The following XPO6 variants were observed in gnomAD, a reference collection of about 807,000 sequenced individuals.
XPO6 encodes the protein exportin-6.
XPO6 carries 3 observed loss-of-function variants against 130.0 expected under a neutral mutation model. The ratio of observed to expected loss-of-function variants is 0.02; its 90% confidence interval spans 0.01 to 0.06. XPO6 has a LOEUF of 0.06. XPO6 is among the 10% of genes least tolerant of loss of function. The pLI is 1.00. For missense variants in XPO6, 970 were observed against 1,393.0 expected, an observed-to-expected ratio of 0.70 and a Z score of 4.83; for synonymous variants, 524 against 548.9, an observed-to-expected ratio of 0.95 and a Z score of 0.63.
intron 9 of XPO6, among the ~76,000 whole-genome samples, chr16:28,142,735 T>C (rs2042916651): frequency 6.6e-6 from 1 of 152,142 alleles, no homozygotes; most frequent in African/African-American, 2.4e-5. Flanking sequence ...CATGCCTGGA[T>C]AATTTTTGTA....
intron 1 of XPO6, among the ~76,000 whole-genome samples, chr16:28,192,647 A>G (rs1274575294): frequency 6.6e-6 from 1 of 152,158 alleles, no homozygotes; most frequent in Non-Finnish European, 1.5e-5. Context: ...ATGTGGACCA[A>G]TGGAGTGAGG....
intron 15 of XPO6, among the ~76,000 whole-genome samples, chr16:28,115,708 C>T (rs1319317965): frequency 6.6e-6 from 1 of 152,212 alleles, no homozygotes; most frequent in Non-Finnish European, 1.5e-5. Context: ...CAGGCACTGA[C>T]TCCTCCTCTC....
intron 6 of XPO6, among the ~76,000 whole-genome samples, chr16:28,158,093 G>C (rs1438599881): frequency 6.6e-6 from 1 of 152,178 alleles, no homozygotes; most frequent in African/African-American, 2.4e-5. Flanking sequence ...AAAAGATACA[G>C]TTAAATTAAA....
chr16:28,147,668 A>G lies in XPO6; in HGVS notation c.1225-1465T>C, dbSNP rs892399652. 2.0e-5 allele frequency among the ~76,000 whole-genome samples: 3 copies of G among 152,206 alleles called. 1 individual carries two copies. Among genetic ancestry groups the G allele is most frequent in the Admixed American group, 2.0e-4 (3 of 15,282 alleles). On this transcript the variant is annotated intron_variant, in intron 8 of 23. Coordinates refer to ENST00000304658, the MANE Select transcript of XPO6 (RefSeq NM_015171.4). ...GCCACATGGAAATGATACGGCAGCCAGACCGAGTGGCTCACATCTGTAATC... is the reference window on the plus strand; with the variant it reads ...GCCACATGGAAATGATACGGCAGCCGGACCGAGTGGCTCACATCTGTAATC...
rs776547300 is a variant in XPO6, at chr16:28,101,837, G to C, written c.3045+10C>G. 4 of 1,612,924 alleles carry C rather than the reference G, an allele frequency of 2.5e-6. No individual in the cohort carries two copies. The East Asian group carries it at 6.7e-5, about 27-fold the overall frequency. Reference sequence around the variant, plus strand: ...GATGGAAGAATATTTCCAAGAGCTGGGGCACTTACCTTGTGGTACAGCTTC... The same window carrying C: ...GATGGAAGAATATTTCCAAGAGCTGCGGCACTTACCTTGTGGTACAGCTTC... On this transcript the variant is annotated intron_variant, in intron 22 of 23. Transcript: ENST00000304658. The surrounding 1 kb of genome is among the most constrained non-coding windows in gnomAD (Gnocchi z 5.4).
At chr16:28,139,055 A>T (rs1199020335) in intron 9 of XPO6, among the ~76,000 whole-genome samples, 1 of 152,184 alleles carries the variant, frequency 6.6e-6, no homozygotes, top group African/African-American at 2.4e-5. Context: ...TTCCCCCAAA[A>T]AGTACTCATT....
intron 1 of XPO6, among the ~76,000 whole-genome samples, chr16:28,195,864 G>A (rs1048493845): frequency 6.6e-5 from 10 of 152,156 alleles, no homozygotes; most frequent in East Asian, 1.9e-4. Flanking sequence ...GCAAAACTCC[G>A]CACATTTACT....
In XPO6 at chr16:28,107,633, C is replaced by T; in HGVS notation, c.2386G>A (p.Val796Met). 6.2e-7 allele frequency: 1 copy of T among 1,614,104 alleles called. No homozygotes were observed. The highest frequency in any genetic ancestry group is 1.3e-5 in the African/African-American group (1 of 75,032). ...GTGGACTCCCCCGAGATATTCTCCA[C>T]AATATCTTCTAAGACGCTGAGTGTC... ...HQTLSVLEDI[V>M]ENISGESTKS... is the part of the protein sequence containing the mutation. Residue 796 changes from valine to methionine, a missense_variant, in exon 18 of 24, where the codon GTG becomes ATG. Around this residue, in one of 4 missense-constraint regions of XPO6, gnomAD observed 936 missense variants for 1,306.8 expected, o/e 0.72. Coordinates refer to ENST00000304658, the MANE Select transcript of XPO6 (RefSeq NM_015171.4).
chr16:28,188,396 T>G (rs1274042819), intron 1 of XPO6, among the ~76,000 whole-genome samples: 1 of 152,172 alleles, frequency 6.6e-6, no homozygotes, highest in Non-Finnish European at 1.5e-5. Flanking sequence ...AAATGAGGAC[T>G]AGTATCCCAG....
intron 15 of XPO6, 175 bp downstream of exon 15, chr16:28,117,143 C>T (rs2141257384): frequency 1.3e-6 from 1 of 774,400 alleles, no homozygotes; most frequent in Non-Finnish European, 2.0e-6. Context: ...AAAGTTGTAT[C>T]TGAATGCATG....
chr16:28,105,922 C>T (rs901758087), intron 20 of XPO6, 121 bp downstream of exon 20: 1 of 1,450,840 alleles, frequency 6.9e-7, no homozygotes, highest in Non-Finnish European at 9.3e-7. Flanking sequence ...GGAGAAACTA[C>T]TTTACAAGCA....
intron 20 of XPO6, 123 bp downstream of exon 20, chr16:28,105,920 T>C (rs949398731): frequency 1.4e-6 from 2 of 1,429,688 alleles, no homozygotes; most frequent in Admixed American, 2.1e-5. Context: ...TGGGAGAAAC[T>C]ACTTTACAAG....
At chr16:28,131,137 T>C (rs2042660620) in intron 12 of XPO6, among the ~76,000 whole-genome samples, 1 of 152,250 alleles carries the variant, frequency 6.6e-6, no homozygotes, top group African/African-American at 2.4e-5. Flanking sequence ...TTTGAAAGTG[T>C]CTTTTTAAAG....
At chr16:28,126,524 T>C (rs113526725) in intron 12 of XPO6, 6 of 152,344 alleles carry the variant, frequency 3.9e-5, no homozygotes, top group Non-Finnish European at 5.9e-5. Context: ...TGTTAAAATA[T>C]ATAACCCTCT....
At chr16:28,165,464 T>C (rs1269714504) in intron 6 of XPO6, 2 of 152,214 alleles carry the variant, frequency 1.3e-5, no homozygotes, top group Non-Finnish European at 2.9e-5. Flanking sequence ...TAGAACTCTA[T>C]AATTGTTTGT....
At chr16:28,161,758 A>C (rs1027315423) in intron 6 of XPO6, among the ~76,000 whole-genome samples, 10 of 152,202 alleles carry the variant, frequency 6.6e-5, no homozygotes, top group Non-Finnish European at 1.5e-4. Flanking sequence ...TAAGGCACAG[A>C]CAGACCAAGT....
At chr16:28,135,159 T>C in intron 10 of XPO6, 57 bp downstream of exon 10, 1 of 1,450,538 alleles carries the variant, frequency 6.9e-7, no homozygotes, top group South Asian at 1.2e-5. Context: ...AGGTCCCCAT[T>C]CTGATTGATG....
chr16:28,148,374 T>TGATA (rs2043022187), intron 8 of XPO6, among the ~76,000 whole-genome samples: 1 of 152,190 alleles, frequency 6.6e-6, no homozygotes, highest in Non-Finnish European at 1.5e-5. Context: ...ACCTGGCCTC[T>TGATA]GATAGTTGCT....
chr16:28,109,865 C>A (rs2086875999), intron 17 of XPO6, among the ~76,000 whole-genome samples: 1 of 152,102 alleles, frequency 6.6e-6, no homozygotes, highest in Admixed American at 6.5e-5. Flanking sequence ...TATATAGATA[C>A]AAAGGTTAAG....
Sources: gnomAD v4.1 joint callset for allele counts (sites outside exome capture counted in the v4.1 genomes callset) on GRCh38, gnomAD v4.1.1 for gene constraint, gnomAD v4.1.1 regional missense constraint, Gnocchi (gnomAD v3.1) non-coding constraint, MANE v1.5 for transcripts, NCBI Gene and HGNC (gene_info 2026-07-23, HGNC 2026-07-21) for gene names.